DST: variants seen among roughly 807,000 people sequenced by gnomAD.
DST encodes the protein dystonin.
In DST, 253 loss-of-function variants were observed where a neutral mutation model predicts 875.2. That is an observed-to-expected ratio of 0.29 (90% CI 0.26 to 0.32). DST has a LOEUF of 0.32. Ranked by LOEUF, DST falls within the 10% of genes least tolerant of loss-of-function variation. The pLI is 1.00. For synonymous variants in DST, 3,124 were observed against 3,197.1 expected, an observed-to-expected ratio of 0.98 and a Z score of 0.77; for missense variants, 8,287 against 9,111.6, an observed-to-expected ratio of 0.91 and a Z score of 3.68.
At chr6:56,521,901 A>T (rs2096715075) in intron 69 of DST, among the ~76,000 whole-genome samples, 1 of 152,094 alleles carries the variant, frequency 6.6e-6, no homozygotes, top group East Asian at 1.9e-4. Context: ...AATTTTAGTA[A>T]ATTTGTTTAC....
chr6:56,515,263 CCA>C (rs527727632), intron 72 of DST, among the ~76,000 whole-genome samples, 185 bp downstream of exon 72: 23 of 82,994 alleles, frequency 2.8e-4, no homozygotes, highest in Admixed American at 1.4e-3. Context: ...ACAAGTATAT[CCA>C]CATGAGTCTT....
intron 4 of DST, among the ~76,000 whole-genome samples, chr6:56,741,862 A>G (rs916496568): frequency 2.0e-5 from 3 of 152,234 alleles, no homozygotes; most frequent in Non-Finnish European, 4.4e-5. Flanking sequence ...TAAGTTTTCA[A>G]TAAAAATATA....
chr6:56,614,178 C>T (rs764872135), intron 37 of DST, among the ~76,000 whole-genome samples, 178 bp downstream of exon 37: 12 of 152,156 alleles, frequency 7.9e-5, no homozygotes, highest in Non-Finnish European at 1.2e-4. Context: ...GCTTCTTCTG[C>T]CACACACTAA....
intron 37 of DST, among the ~76,000 whole-genome samples, chr6:56,612,739 G>A (rs1042766720): frequency 3.3e-5 from 5 of 152,112 alleles, no homozygotes; most frequent in Admixed American, 2.0e-4. Flanking sequence ...TTAACAGAAC[G>A]ACCATCAGCT....
rs1291606680 is a variant in DST, at chr6:56,640,453, G to A, written c.2180C>T (p.Pro727Leu). The A allele has an allele frequency of 1.9e-6, 3 of 1,614,168 alleles. No individual in the cohort carries two copies. Among genetic ancestry groups the A allele is most frequent in the Non-Finnish European group, 2.5e-6 (3 of 1,180,014 alleles). Reference sequence around the variant, plus strand: ...CTGGGTCAGCCCTGAGGTCAGACTAGGGTGTAAGGTCTGTGCAAATCCTGA... The same window carrying A: ...CTGGGTCAGCCCTGAGGTCAGACTAAGGTGTAAGGTCTGTGCAAATCCTGA... Reference protein sequence around the residue: ...LNSGFAQTLHPSLTSGLTQSL... With the variant: ...LNSGFAQTLHLSLTSGLTQSL... Residue 727 changes from proline (P) to leucine (L), a missense_variant, in exon 18 of 104, where the codon CCT becomes CTT. By Grantham distance (98) the Pro-to-Leu change is moderately conservative. Coordinates refer to ENST00000680361, the MANE Select transcript of DST (RefSeq NM_001374736.1).
intron 4 of DST, among the ~76,000 whole-genome samples, chr6:56,762,079 G>T (rs1386543348): frequency 6.6e-6 from 1 of 151,858 alleles, no homozygotes; most frequent in African/African-American, 2.4e-5. Context: ...GGAGTGCAAT[G>T]GTGAAATCTC....
chr6:56,542,525 GA>G, intron 61 of DST: 1 of 147,930 alleles, frequency 6.8e-6, no homozygotes, highest in Non-Finnish European at 1.5e-5. Flanking sequence ...TTGCAGCAAC[GA>G]AGAGCTCCGC....
chr6:56,784,775 C>T (rs1249959449), intron 4 of DST, among the ~76,000 whole-genome samples: 10 of 152,210 alleles, frequency 6.6e-5, no homozygotes, highest in Non-Finnish European at 1.5e-4. Flanking sequence ...TGAGGAACTG[C>T]GTTCCTTTGG....
At chr6:56,806,245 T>C (rs546734265) in intron 4 of DST, among the ~76,000 whole-genome samples, 2 of 152,330 alleles carry the variant, frequency 1.3e-5, no homozygotes, top group East Asian at 3.9e-4. Flanking sequence ...ACTTAAAGTA[T>C]GTTATTCTAG....
intron 9 of DST, chr6:56,692,776 G>C: frequency 1.6e-6 from 2 of 1,289,838 alleles, no homozygotes; most frequent in Non-Finnish European, 2.0e-6. Context: ...AGCAGGAGAA[G>C]TGTTCACACA....
chr6:56,772,895 C>T (rs1211059503), intron 4 of DST, among the ~76,000 whole-genome samples: 2 of 152,178 alleles, frequency 1.3e-5, no homozygotes. Context: ...TGGTACGTTA[C>T]TTCCAAGATT....
At chr6:56,843,030 C>T in intron 4 of DST, 1 of 1,429,242 alleles carries the variant, frequency 7.0e-7, no homozygotes, top group Non-Finnish European at 9.4e-7. Context: ...CCAAGCTCCG[C>T]AGCCCCAGGG....
intron 4 of DST, among the ~76,000 whole-genome samples, chr6:56,780,335 C>G (rs528159200): frequency 6.6e-6 from 1 of 152,062 alleles, no homozygotes; most frequent in South Asian, 2.1e-4. Flanking sequence ...AGTTTACAGT[C>G]CCACCAAGAG....
At position 56,826,391 on chromosome 6, in the gene DST, ATTATT is replaced by A. The variant is rs572771886; in HGVS notation, c.625+25001_625+25005del. Among the ~76,000 whole-genome samples, 429 of 152,296 alleles carry A rather than the reference ATTATT, an allele frequency of 2.8e-3. 2 individuals carry two copies. Among genetic ancestry groups the A allele is most frequent in the Admixed American group, 4.6e-3 (71 of 15,298 alleles). On this transcript the variant is annotated intron_variant, in intron 4 of 103. Coordinates refer to ENST00000680361, the MANE Select transcript of DST (RefSeq NM_001374736.1). ...ATGCATGAAAATATTTAATAATTTT[ATTATT>A]TTAAACTTTCTACTTTATTTGTGGT...
chr6:56,476,852 T>C (rs7751174), intron 91 of DST, among the ~76,000 whole-genome samples: 5,064 of 152,006 alleles, frequency 0.033, 256 homozygotes, highest in African/African-American at 0.12. Flanking sequence ...CTCGGGAGGC[T>C]GAGGCAGAGG....
At chr6:56,637,450 CG>C (rs2098836630) in intron 22 of DST, among the ~76,000 whole-genome samples, 3 of 152,114 alleles carry the variant, frequency 2.0e-5, no homozygotes, top group African/African-American at 7.2e-5. Context: ...TGAATTTTTA[CG>C]GTGCTAGATC....
chr6:56,488,484 G>C (rs75120828), intron 86 of DST, among the ~76,000 whole-genome samples: 3,843 of 152,218 alleles, frequency 0.025, 74 homozygotes, highest in Non-Finnish European at 0.043. Flanking sequence ...ACAGGCAAAG[G>C]GTGCCAGCAG....
intron 55 of DST, among the ~76,000 whole-genome samples, chr6:56,563,760 G>A (rs1039966072): frequency 5.3e-5 from 8 of 152,158 alleles, no homozygotes; most frequent in African/African-American, 1.9e-4. Flanking sequence ...TTTTGTATAA[G>A]GTGTAAGGAA....
At chr6:56,521,658 G>C (rs1054455546) in intron 69 of DST, among the ~76,000 whole-genome samples, 1 of 146,446 alleles carries the variant, frequency 6.8e-6, no homozygotes, top group Non-Finnish European at 1.5e-5. Context: ...CCTGTCATCT[G>C]AGAAACTTTT....
Sources: allele counts gnomAD v4.1 joint callset (sites outside exome capture counted in the v4.1 genomes callset), GRCh38; gene constraint gnomAD v4.1.1; transcripts MANE v1.5; gene names NCBI Gene and HGNC (gene_info 2026-07-23, HGNC 2026-07-21).